Variants in ATG7 observed in about 807,000 individuals in gnomAD.
ATG7 encodes autophagy related 7.
Under a neutral mutation model 82.4 loss-of-function variants are expected in ATG7, and 70 were observed. The observed-to-expected ratio is 0.85, with a 90% CI of 0.70 to 1.04. ATG7 has a LOEUF of 1.04. Among genes scored for constraint, ATG7 ranks in the 50% least tolerant of loss-of-function variants. The pLI is 0.00. For missense variants in ATG7, 792 were observed against 864.3 expected, an observed-to-expected ratio of 0.92 and a Z score of 1.05; for synonymous variants, 287 against 313.0, an observed-to-expected ratio of 0.92 and a Z score of 0.88.
chr3:11,360,495 T>A, intron 15 of ATG7, 86 bp from the exon 16 acceptor site: 2 of 1,384,444 alleles, frequency 1.4e-6, no homozygotes, highest in Non-Finnish European at 2.0e-6. Context: ...AAATAAATTT[T>A]AAAAAGTTGA....
At chr3:11,559,082 CAGT>C (rs1374647523), downstream of ATG7, among the ~76,000 whole-genome samples, 1 of 152,256 alleles carries the variant, frequency 6.6e-6, no homozygotes, top group East Asian at 1.9e-4. Context: ...ATTTAAATAA[CAGT>C]AGCCGCTGCC....
intron 2 of ATG7, among the ~76,000 whole-genome samples, chr3:11,281,643 G>A (rs1182304005): frequency 2.0e-5 from 3 of 151,846 alleles, no homozygotes; most frequent in South Asian, 2.1e-4. Context: ...GCGTAGTGGC[G>A]GGCGCCCATA....
chr3:11,439,121 T>G (rs1413630306), intron 20 of ATG7, among the ~76,000 whole-genome samples: 2 of 136,106 alleles, frequency 1.5e-5, no homozygotes, highest in African/African-American at 2.7e-5. Context: ...CAGGCTGGAA[T>G]GCAGTGGCGT....
At chr3:11,359,155 G>C (rs1270603843) in intron 15 of ATG7, among the ~76,000 whole-genome samples, 1 of 151,990 alleles carries the variant, frequency 6.6e-6, no homozygotes, top group Non-Finnish European at 1.5e-5. Context: ...TCTGTCTATT[G>C]AGAGAGGAGA....
chr3:11,352,410 C>T (rs1167741727), intron 14 of ATG7, among the ~76,000 whole-genome samples: 1 of 152,164 alleles, frequency 6.6e-6, no homozygotes, highest in East Asian at 1.9e-4. Context: ...AGTTCTAGAT[C>T]CTTGAGTAAT....
rs567238019 is a variant in ATG7 at position 11,289,310 on chromosome 3, C to T, written c.-11+6872C>T. On this transcript the variant is annotated intron_variant, in intron 3 of 20. Coordinates refer to ENST00000693202, the MANE Select transcript of ATG7 (RefSeq NM_001349232.2). Reference sequence around the variant, plus strand: ...ACTCACTTCCCCCCAAATTCCCCTCCGACCATTACTTCTTAAATCTTCCCT... The same window carrying T: ...ACTCACTTCCCCCCAAATTCCCCTCTGACCATTACTTCTTAAATCTTCCCT... 7.5e-4 allele frequency among the ~76,000 whole-genome samples: 114 copies of T among 152,308 alleles called. 3 individuals are homozygous for T. The highest frequency in any genetic ancestry group is 1.8e-3 in the Admixed American group (27 of 15,304).
In ATG7 at chr3:11,555,000, TG is replaced by T; in HGVS notation, c.*158del. ...CCCTCTGCTGCCCAGGAGTGGCCAG[TG>T]TTCGGCGTTGCTCGGGATTCAAGAT... On this transcript the variant is annotated 3_prime_UTR_variant, in exon 21 of 21. Coordinates refer to ENST00000693202, the MANE Select transcript of ATG7 (RefSeq NM_001349232.2). The T allele has an allele frequency of 1.1e-6, 1 of 891,592 alleles. No individual in the cohort carries two copies. Among genetic ancestry groups the T allele is most frequent in the Non-Finnish European group, 1.6e-6 (1 of 609,268 alleles). The allele number at this position is 891,592 out of a possible 1,614,324, so 55.2% of individuals were successfully genotyped here.
At chr3:11,432,503 C>T (rs2082988401) in intron 20 of ATG7, among the ~76,000 whole-genome samples, 2 of 151,850 alleles carry the variant, frequency 1.3e-5, no homozygotes, top group Non-Finnish European at 2.9e-5. Flanking sequence ...GAGGGAGAAG[C>T]TTGGGAGGGG....
At chr3:11,492,709 A>AACTAGCCGGTCACTTTAGC (rs2090480415) in intron 20 of ATG7, among the ~76,000 whole-genome samples, 1 of 152,132 alleles carries the variant, frequency 6.6e-6, no homozygotes, top group South Asian at 2.1e-4. Context: ...CAAGTGCAGG[A>AACTAGCCGGTCACTTTAGC]ACTAGCCGGT....
downstream of ATG7, among the ~76,000 whole-genome samples, chr3:11,559,171 T>C (rs1460497218): frequency 2.6e-5 from 4 of 152,132 alleles, no homozygotes; most frequent in African/African-American, 7.2e-5. Flanking sequence ...ACCCAAGTCA[T>C]GCGCAACGCT....
At chr3:11,575,740 C>T in the ATG7 span, among the ~76,000 whole-genome samples, 1 of 152,232 alleles carries the variant, frequency 6.6e-6, no homozygotes, top group Non-Finnish European at 1.5e-5. Context: ...GCCCAAAAAG[C>T]CAGGTGGCTG....
chr3:11,516,175 CA>C (rs1246974127), intron 20 of ATG7, among the ~76,000 whole-genome samples: 1 of 151,934 alleles, frequency 6.6e-6, no homozygotes, highest in African/African-American at 2.4e-5. Flanking sequence ...GGAAGATATA[CA>C]GATGGCAAAT....
At chr3:11,301,072 C>T (rs1305875915) in intron 5 of ATG7, among the ~76,000 whole-genome samples, 3 of 151,946 alleles carry the variant, frequency 2.0e-5, no homozygotes, top group East Asian at 1.9e-4. Context: ...ACAGAACTAG[C>T]GAAGGACACA....
At chr3:11,569,974 A>G in the ATG7 span, among the ~76,000 whole-genome samples, 3 of 152,234 alleles carry the variant, frequency 2.0e-5, no homozygotes, top group African/African-American at 7.2e-5. Context: ...AAACCTGGTT[A>G]AAGTGGTCAG....
intron 19 of ATG7, 142 bp from the exon 20 acceptor site, chr3:11,426,662 T>G (rs2082389273): frequency 1.5e-6 from 1 of 676,518 alleles, no homozygotes; most frequent in Non-Finnish European, 2.2e-6. Context: ...ACTAGTTTTT[T>G]GGCCACTAGA....
intron 20 of ATG7, among the ~76,000 whole-genome samples, chr3:11,447,497 C>T (rs1001790919): frequency 3.3e-5 from 5 of 151,752 alleles, no homozygotes; most frequent in African/African-American, 1.2e-4. Context: ...TAATTTATTG[C>T]TTAATGAAAC....
At chr3:11,400,671 TTA>T (rs1269768475) in intron 19 of ATG7, among the ~76,000 whole-genome samples, 1 of 152,104 alleles carries the variant, frequency 6.6e-6, no homozygotes, top group African/African-American at 2.4e-5. Context: ...TCCAGTTAGT[TTA>T]TGAGAATAAC....
chr3:11,334,319 A>G (rs1952070225), intron 11 of ATG7, among the ~76,000 whole-genome samples: 1 of 151,778 alleles, frequency 6.6e-6, no homozygotes, highest in African/African-American at 2.4e-5. Context: ...ATCTCGACTC[A>G]CTGCAACCTC....
At chr3:11,362,108 C>T (rs567748239) in intron 16 of ATG7, among the ~76,000 whole-genome samples, 5 of 152,202 alleles carry the variant, frequency 3.3e-5, no homozygotes, top group South Asian at 2.1e-4. Flanking sequence ...TCAACAAATA[C>T]GATTAGTGGT....
Sources: allele counts gnomAD v4.1 joint callset (sites outside exome capture counted in the v4.1 genomes callset), GRCh38; gene constraint gnomAD v4.1.1; transcripts MANE v1.5; gene names NCBI Gene and HGNC (gene_info 2026-07-23, HGNC 2026-07-21).